CD96: variants seen among roughly 807,000 people sequenced by gnomAD.
The protein encoded by CD96 is CD96 molecule, also known as T-cell surface protein tactile.
CD96 carries 70 observed loss-of-function variants against 71.3 expected under a neutral mutation model. That is an observed-to-expected ratio of 0.98 (90% CI 0.81 to 1.20). The LOEUF is 1.20. CD96 is among the 50% of genes most tolerant of loss of function. The probability of loss-of-function intolerance (pLI) is 0.00; values close to 1 mark genes in which losing one functional copy is unlikely to be tolerated. For synonymous variants in CD96, 248 were observed against 233.0 expected, an observed-to-expected ratio of 1.06 and a Z score of -0.59; for missense variants, 742 against 677.5, an observed-to-expected ratio of 1.10 and a Z score of -1.06.
At chr3:111,637,305 A>G (rs762635539) in intron 11 of CD96, 44 bp downstream of exon 11, 2 of 1,060,414 alleles carry the variant, frequency 1.9e-6, no homozygotes, top group South Asian at 2.5e-5. Flanking sequence ...GCTAGTGGTC[A>G]GCTTTATTTG....
At chr3:111,596,422 A>G (rs1217057122) in intron 5 of CD96, among the ~76,000 whole-genome samples, 1 of 152,188 alleles carries the variant, frequency 6.6e-6, no homozygotes. Flanking sequence ...ATCTGAACCT[A>G]GAGAATTCAT....
At chr3:111,639,995 G>A (rs141080749) in intron 12 of CD96, among the ~76,000 whole-genome samples, 2,362 of 152,266 alleles carry the variant, frequency 0.016, 35 homozygotes, top group Non-Finnish European at 0.024. Flanking sequence ...TTCAGCCCTA[G>A]ACCTTCCCTC....
intron 2 of CD96, among the ~76,000 whole-genome samples, chr3:111,547,192 G>A (rs1328951854): frequency 1.3e-5 from 2 of 152,138 alleles, no homozygotes; most frequent in Non-Finnish European, 2.9e-5. Context: ...GATAATCTGT[G>A]TAATGCACTT....
intron 10 of CD96, among the ~76,000 whole-genome samples, chr3:111,635,379 AG>A (rs1576418835): frequency 6.6e-6 from 1 of 152,220 alleles, no homozygotes; most frequent in African/African-American, 2.4e-5. Context: ...ACTTTTCCAA[AG>A]TGGCTTATGT....
In CD96 at chr3:111,585,366, T is replaced by G. The variant is rs1279856205; in HGVS notation, c.795T>G (p.Asp265Glu). Residue 265 changes from aspartate (D) to glutamate (E), a missense_variant, in exon 5 of 14, where the codon GAT becomes GAG. Coordinates refer to ENST00000352690, the MANE Select transcript of CD96 (RefSeq NM_005816.5). ...IPVIVENNSTDVLVERRFTCL... is the reference protein window; with the variant it reads ...IPVIVENNSTEVLVERRFTCL... ...TGATTGTGGAAAATAACTCCACGGATGTCTTGGTAGAGGTGAGTCACATAA... is the reference window on the plus strand; with the variant it reads ...TGATTGTGGAAAATAACTCCACGGAGGTCTTGGTAGAGGTGAGTCACATAA... 1 of 1,607,640 alleles carries G rather than the reference T, an allele frequency of 6.2e-7. No individual in the cohort carries two copies. Among genetic ancestry groups the G allele is most frequent in the Admixed American group, 1.7e-5 (1 of 59,992 alleles).
chr3:111,594,291 G>A, intron 5 of CD96: 2 of 1,465,566 alleles, frequency 1.4e-6, no homozygotes, highest in Non-Finnish European at 1.8e-6. Context: ...ATTTGGGAAG[G>A]GCCTGTGGTA....
intron 2 of CD96, among the ~76,000 whole-genome samples, chr3:111,565,051 T>C (rs1435744873): frequency 1.3e-5 from 2 of 152,184 alleles, no homozygotes; most frequent in Non-Finnish European, 2.9e-5. Context: ...CTTATTTTTC[T>C]TGAAGACACT....
chr3:111,653,812 A>AT (rs754375794), downstream of CD96, among the ~76,000 whole-genome samples: 14,825 of 148,136 alleles, frequency 0.1, 958 homozygotes, highest in Non-Finnish European at 0.14. Context: ...AGAAGCGATA[A>AT]TTTTTTTTTT....
chr3:111,607,470 T>A (rs569397077), intron 8 of CD96, among the ~76,000 whole-genome samples: 3 of 152,306 alleles, frequency 2.0e-5, no homozygotes, highest in East Asian at 3.9e-4. Context: ...TTGTCATTGA[T>A]GCAACAAATC....
intron 5 of CD96, among the ~76,000 whole-genome samples, chr3:111,587,935 T>C (rs1171954458): frequency 1.3e-5 from 2 of 152,198 alleles, no homozygotes; most frequent in Non-Finnish European, 2.9e-5. Flanking sequence ...AAATCCATTT[T>C]TTCCTCCTAA....
At chr3:111,557,316 T>C (rs2107510507) in intron 2 of CD96, among the ~76,000 whole-genome samples, 1 of 101,184 alleles carries the variant, frequency 9.9e-6, no homozygotes, top group Admixed American at 1.0e-4. Flanking sequence ...CTAGGTTTTC[T>C]TCTAGGGTTT....
At chr3:111,574,592 A>G (rs904207159) in intron 3 of CD96, among the ~76,000 whole-genome samples, 2 of 152,172 alleles carry the variant, frequency 1.3e-5, no homozygotes, top group East Asian at 1.9e-4. Flanking sequence ...TCATGATTCA[A>G]TAAGATCCCT....
chr3:111,623,708 G>C, intron 8 of CD96, 46 bp from the exon 9 acceptor site: 2 of 1,186,356 alleles, frequency 1.7e-6, no homozygotes, highest in South Asian at 1.2e-5. Flanking sequence ...TTAAACATAC[G>C]AATGTAAATA....
chr3:111,633,040 T>G (rs1939151792), intron 10 of CD96, among the ~76,000 whole-genome samples: 1 of 152,250 alleles, frequency 6.6e-6, no homozygotes, highest in Non-Finnish European at 1.5e-5. Context: ...TCTCAGCTTT[T>G]GACGTACCTT....
At chr3:111,633,822 A>C (rs1192338137) in intron 10 of CD96, 4 of 152,810 alleles carry the variant, frequency 2.6e-5, no homozygotes, top group Non-Finnish European at 5.9e-5. Context: ...GATCATCAAA[A>C]TTCCTGTGTC....
chr3:111,562,126 T>C (rs1198332781), intron 2 of CD96, among the ~76,000 whole-genome samples: 1 of 152,240 alleles, frequency 6.6e-6, no homozygotes, highest in Admixed American at 6.5e-5. Context: ...CCTAGTGAGA[T>C]GAACCCAGTA....
At chr3:111,593,229 A>T (rs1018424610) in intron 5 of CD96, 3 of 232,012 alleles carry the variant, frequency 1.3e-5, no homozygotes, top group Non-Finnish European at 2.5e-5. Context: ...CAAAAATCTG[A>T]TTATTTTGTT....
intron 14 of CD96, among the ~76,000 whole-genome samples, chr3:111,662,198 G>A (rs1940375145): frequency 6.6e-6 from 1 of 152,234 alleles, no homozygotes; most frequent in Non-Finnish European, 1.5e-5. Flanking sequence ...TGGCTGGGAT[G>A]CAGGGCACCA....
At chr3:111,615,928 C>G (rs761664374) in intron 8 of CD96, among the ~76,000 whole-genome samples, 1 of 152,128 alleles carries the variant, frequency 6.6e-6, no homozygotes, top group Non-Finnish European at 1.5e-5. Context: ...GCCTTTTAAC[C>G]TCACTTCCTA....
Sources: allele counts gnomAD v4.1 joint callset (sites outside exome capture counted in the v4.1 genomes callset), GRCh38; gene constraint gnomAD v4.1.1; transcripts MANE v1.5; gene names NCBI Gene and HGNC (gene_info 2026-07-23, HGNC 2026-07-21).